Variants in NRXN3 observed in about 807,000 individuals in gnomAD.
The protein encoded by NRXN3 is neurexin 3.
Under a neutral mutation model 137.6 loss-of-function variants are expected in NRXN3, and 32 were observed. That is an observed-to-expected ratio of 0.23 (90% CI 0.18 to 0.31). The LOEUF (loss-of-function observed/expected upper bound fraction) is 0.31, where lower values mean the gene tolerates loss of function less well. NRXN3 is among the 10% of genes least tolerant of loss of function. NRXN3 has a pLI of 1.00. For missense variants in NRXN3, 1,574 were observed against 2,062.5 expected, an observed-to-expected ratio of 0.76 and a Z score of 4.59; for synonymous variants, 798 against 784.5, an observed-to-expected ratio of 1.02 and a Z score of -0.29.
chr14:79,598,124 G>A (rs2097880407), intron 16 of NRXN3, among the ~76,000 whole-genome samples: 1 of 152,130 alleles, frequency 6.6e-6, no homozygotes, highest in African/African-American at 2.4e-5. Context: ...AGGAATAAAG[G>A]GTAATGTGAG....
At chr14:78,710,144 T>C (rs1232515114) in intron 7 of NRXN3, among the ~76,000 whole-genome samples, 1 of 152,196 alleles carries the variant, frequency 6.6e-6, no homozygotes, top group African/African-American at 2.4e-5. Flanking sequence ...ATGGAGAAAT[T>C]ATGACAAGAA....
intron 15 of NRXN3, among the ~76,000 whole-genome samples, chr14:79,032,522 G>T (rs145926887): frequency 6.6e-6 from 1 of 152,242 alleles, no homozygotes; most frequent in African/African-American, 2.4e-5. Flanking sequence ...TCTCACCTGA[G>T]CCTTAGAGAG....
intron 15 of NRXN3, among the ~76,000 whole-genome samples, chr14:79,357,764 G>A (rs1241294581): frequency 2.6e-5 from 4 of 152,024 alleles, no homozygotes; most frequent in Admixed American, 6.6e-5. Context: ...AGAAATGGCC[G>A]TTTCACCCCA....
intron 15 of NRXN3, among the ~76,000 whole-genome samples, chr14:79,196,042 C>T (rs1416281073): frequency 1.3e-5 from 2 of 152,186 alleles, no homozygotes; most frequent in African/African-American, 2.4e-5. Flanking sequence ...ACCAGATTGA[C>T]ATCCTCAAGT....
At chr14:79,693,779 G>T (rs943569426) in intron 18 of NRXN3, among the ~76,000 whole-genome samples, 3 of 151,734 alleles carry the variant, frequency 2.0e-5, no homozygotes, top group African/African-American at 4.8e-5. Context: ...GGGTTGGGAT[G>T]GGGGGAGGGG....
At chr14:78,915,512 G>T (rs982073823) in intron 10 of NRXN3, among the ~76,000 whole-genome samples, 1 of 152,060 alleles carries the variant, frequency 6.6e-6, no homozygotes, top group Non-Finnish European at 1.5e-5. Context: ...AAATATTCTA[G>T]ATACTGGAGA....
chr14:79,552,900 ACTT>A lies in NRXN3; in HGVS notation c.3444+85505_3444+85507del, dbSNP rs144502744. ...TGTTGTGGGTGCCCTGGAGGTAGAG[ACTT>A]CTTCTTATCTCTCCTGCATCAGAGT... is the stretch of plus-strand genomic sequence containing the variant. On this transcript the variant is annotated intron_variant, in intron 16 of 20. Transcript: ENST00000335750. 6.2e-3 allele frequency among the ~76,000 whole-genome samples: 949 copies of A among 152,210 alleles called. 6 individuals carry two copies. The highest frequency in any genetic ancestry group is 0.02 in the African/African-American group (840 of 41,550).
chr14:78,252,964 C>T (rs1370086436), intron 2 of NRXN3, among the ~76,000 whole-genome samples: 1 of 152,126 alleles, frequency 6.6e-6, no homozygotes, highest in East Asian at 1.9e-4. Context: ...CTTCCTTCCT[C>T]CTCATTCTCT....
chr14:78,762,091 G>T (rs768132754), intron 8 of NRXN3, among the ~76,000 whole-genome samples: 8 of 152,140 alleles, frequency 5.3e-5, no homozygotes, highest in Non-Finnish European at 8.8e-5. Context: ...TTACTCCAAA[G>T]ACCATTCTCT....
chr14:79,663,751 T>C, intron 16 of NRXN3, 27 bp from the exon 17 acceptor site: 9 of 1,605,482 alleles, frequency 5.6e-6, no homozygotes, highest in Non-Finnish European at 7.7e-6. Context: ...TGGTGATAAC[T>C]ATGCCTTTTG....
chr14:78,786,770 C>A (rs905542486), intron 8 of NRXN3, among the ~76,000 whole-genome samples: 4 of 152,080 alleles, frequency 2.6e-5, no homozygotes, highest in Non-Finnish European at 5.9e-5. Flanking sequence ...TGTATTTAAT[C>A]ATCTGTTTCA....
chr14:78,291,897 G>A (rs967378529), intron 3 of NRXN3, among the ~76,000 whole-genome samples: 19 of 151,886 alleles, frequency 1.3e-4, no homozygotes, highest in Admixed American at 7.9e-4. Context: ...CTTTTTTTTC[G>A]TCTTTTCTGA....
chr14:78,270,467 T>C lies in NRXN3; in HGVS notation c.710-8178T>C, dbSNP rs534228767. Among the ~76,000 whole-genome samples the C allele has an allele frequency of 9.2e-5, 14 of 152,298 alleles. 1 individual carries two copies. The East Asian group carries it at 2.7e-3, about 29-fold the overall frequency. ...GCATCCTGTTTCCTGGCAGTGCCCATCTGCTATGAGGACTTTCCCAAGGCC... is the reference window on the plus strand; with the variant it reads ...GCATCCTGTTTCCTGGCAGTGCCCACCTGCTATGAGGACTTTCCCAAGGCC... On this transcript the variant is annotated intron_variant, in intron 2 of 20. Coordinates refer to ENST00000335750, the MANE Select transcript of NRXN3 (RefSeq NM_001330195.2).
rs146700408 is a variant in NRXN3 at position 79,864,380 on chromosome 14, G to C, written c.*2416G>C. On this transcript the variant is annotated 3_prime_UTR_variant, in exon 21 of 21. Coordinates refer to ENST00000335750, the MANE Select transcript of NRXN3 (RefSeq NM_001330195.2). Reference sequence around the variant, plus strand: ...TTTCTTAGTTCATATTTGCATTTTCGTTCAAGGATATGCTTAGCAATAAAA... The same window carrying C: ...TTTCTTAGTTCATATTTGCATTTTCCTTCAAGGATATGCTTAGCAATAAAA... 1 of 152,386 alleles carries C rather than the reference G, an allele frequency of 6.6e-6. No homozygotes were observed. Among genetic ancestry groups the C allele is most frequent in the Admixed American group, 6.6e-5 (1 of 15,246 alleles). 9.4% of individuals were successfully genotyped at this position (152,386 alleles called of 1,614,324 possible).
chr14:78,872,337 A>G (rs1567573694), intron 10 of NRXN3, among the ~76,000 whole-genome samples: 1 of 149,278 alleles, frequency 6.7e-6, no homozygotes, highest in East Asian at 1.9e-4. Flanking sequence ...TTTATGTTGT[A>G]TTATTTCTTA....
intron 15 of NRXN3, among the ~76,000 whole-genome samples, chr14:79,001,716 G>A (rs934711025): frequency 2.6e-5 from 4 of 152,118 alleles, no homozygotes; most frequent in African/African-American, 9.7e-5. Context: ...GCATCTAAAG[G>A]GAATTAGCGT....
chr14:78,349,431 G>A (rs1218230621), intron 4 of NRXN3, among the ~76,000 whole-genome samples: 1 of 152,194 alleles, frequency 6.6e-6, no homozygotes, highest in African/African-American at 2.4e-5. Context: ...TGGGAAATGT[G>A]GAATGAGTGT....
chr14:78,246,865 C>A (rs772030986), intron 2 of NRXN3, among the ~76,000 whole-genome samples: 2 of 152,164 alleles, frequency 1.3e-5, no homozygotes, highest in African/African-American at 4.8e-5. Flanking sequence ...TCTCCCCACC[C>A]AACCTCTGCT....
intron 4 of NRXN3, among the ~76,000 whole-genome samples, chr14:78,428,610 T>A (rs1448622329): frequency 6.6e-6 from 1 of 152,046 alleles, no homozygotes; most frequent in Non-Finnish European, 1.5e-5. Context: ...TTGGCTCACG[T>A]GATTATGGAG....
Sources: gnomAD v4.1 joint callset for allele counts (sites outside exome capture counted in the v4.1 genomes callset) on GRCh38, gnomAD v4.1.1 for gene constraint, MANE v1.5 for transcripts, NCBI Gene and HGNC (gene_info 2026-07-23, HGNC 2026-07-21) for gene names.